The following USP28 variants were observed in gnomAD, a reference collection of about 807,000 sequenced individuals.
USP28 encodes ubiquitin carboxyl-terminal hydrolase 28.
USP28 carries 113 observed loss-of-function variants against 145.0 expected under a neutral mutation model. The ratio of observed to expected loss-of-function variants is 0.78; its 90% CI spans 0.67 to 0.91. The LOEUF is 0.91. Among genes scored for constraint, USP28 ranks in the 40% least tolerant of loss-of-function variants. USP28 has a pLI of 0.00. For synonymous variants in USP28, 447 were observed against 450.9 expected, an observed-to-expected ratio of 0.99 and a Z score of 0.11; for missense variants, 1,201 against 1,289.6, an observed-to-expected ratio of 0.93 and a Z score of 1.05.
rs144996438 is a variant in USP28, at chr11:113,814,320, G to A, written c.1673-365C>T. On this transcript the variant is annotated intron_variant, in intron 14 of 24. Coordinates refer to ENST00000003302, the Ensembl canonical transcript of USP28. Reference sequence around the variant, plus strand: ...CTAAATTTCTCTGAATAGGAATCTGGGAAGAATCTGTATTTTCCATCATCT... The same window carrying A: ...CTAAATTTCTCTGAATAGGAATCTGAGAAGAATCTGTATTTTCCATCATCT... Among the ~76,000 whole-genome samples, 332 of 152,174 alleles carry A rather than the reference G, an allele frequency of 2.2e-3. 2 individuals are homozygous for A. Among genetic ancestry groups the A allele is most frequent in the African/African-American group, 7.7e-3 (318 of 41,522 alleles).
intron 1 of USP28, among the ~76,000 whole-genome samples, chr11:113,874,339 T>C (rs911219427): frequency 9.8e-5 from 13 of 132,878 alleles, no homozygotes; most frequent in Admixed American, 3.5e-4. Context: ...TAATACCAGC[T>C]ACTCAGGAGG....
At chr11:113,802,022 C>T (rs573940740) in intron 23 of USP28, among the ~76,000 whole-genome samples, 1 of 152,302 alleles carries the variant, frequency 6.6e-6, no homozygotes, top group South Asian at 2.1e-4. Flanking sequence ...GAATCACCTG[C>T]AGAAGACACA....
At chr11:113,875,275 C>A (rs967340404) in intron 1 of USP28, among the ~76,000 whole-genome samples, 170 bp downstream of exon 1, 2 of 152,066 alleles carry the variant, frequency 1.3e-5, no homozygotes, top group Non-Finnish European at 1.5e-5. Flanking sequence ...CTCCGCGGCC[C>A]GAGCCCCGCA....
At chr11:113,862,109 G>A (rs1947754929) in intron 1 of USP28, among the ~76,000 whole-genome samples, 1 of 152,146 alleles carries the variant, frequency 6.6e-6, no homozygotes, top group Non-Finnish European at 1.5e-5. Context: ...CACTTTACGG[G>A]GCTGAGGCGG....
intron 3 of USP28, among the ~76,000 whole-genome samples, chr11:113,849,670 A>G (rs890583414): frequency 3.9e-5 from 6 of 152,190 alleles, no homozygotes; most frequent in African/African-American, 1.4e-4. Context: ...GCAACAGTGC[A>G]GAGATGGGCT....
At chr11:113,808,102 T>C (rs1217424012) in intron 18 of USP28, 8 of 1,478,424 alleles carry the variant, frequency 5.4e-6, no homozygotes, top group East Asian at 2.6e-5. Flanking sequence ...GTTTGTTTCC[T>C]GGGGCATGGG....
chr11:113,869,370 A>G (rs746380598), intron 1 of USP28, among the ~76,000 whole-genome samples: 3 of 152,232 alleles, frequency 2.0e-5, no homozygotes, highest in Non-Finnish European at 4.4e-5. Context: ...CGGGGGTTAC[A>G]GTGAGCTGAT....
intron 3 of USP28, among the ~76,000 whole-genome samples, chr11:113,847,904 CTG>C (rs528313758): frequency 9.7e-4 from 148 of 152,282 alleles, no homozygotes; most frequent in African/African-American, 3.5e-3. Flanking sequence ...TACAACATGA[CTG>C]TAGCAAAACT....
Position 113,835,860 on chromosome 11 carries a change from C to A in USP28, c.535-1525G>T, listed in dbSNP as rs183046451. ...CTTTGGGAGGCTGAGGCGGGCAGAT[C>A]ACCTGAGGTCAGGAGTTCAAGACCA... On this transcript the variant is annotated intron_variant, in intron 5 of 24. Transcript: ENST00000003302. Among the ~76,000 whole-genome samples, 21 of 152,318 alleles carry A rather than the reference C, an allele frequency of 1.4e-4. No individual in the cohort carries two copies. In the East Asian group the frequency reaches 4.1e-3, roughly 29 times the overall value.
In USP28 at chr11:113,861,136, A is replaced by C. The variant is rs540138563; in HGVS notation, c.58-6801T>G. On this transcript the variant is annotated intron_variant, in intron 1 of 24. Coordinates refer to ENST00000003302, the Ensembl canonical transcript of USP28. ...GAGACTACACCTCAAAAAAAAAAAAAAAACCACCTCTGTCTGGACAACAGA... is the reference window on the plus strand; with the variant it reads ...GAGACTACACCTCAAAAAAAAAAAACAAACCACCTCTGTCTGGACAACAGA... Among the ~76,000 whole-genome samples the C allele has an allele frequency of 2.1e-3, 323 of 152,136 alleles. 2 individuals are homozygous for C. The highest frequency in any genetic ancestry group is 7.4e-3 in the African/African-American group (309 of 41,526).
chr11:113,810,378 A>C (rs1940782137), intron 16 of USP28, among the ~76,000 whole-genome samples: 1 of 152,326 alleles, frequency 6.6e-6, no homozygotes, highest in African/African-American at 2.4e-5. Context: ...AACAAACAAA[A>C]AAAGTCTATA....
At position 113,832,059 on chromosome 11, in the gene USP28, T is replaced by G. The variant is rs1016615077; in HGVS notation, c.760-66A>C. 52 of 1,309,268 alleles carry G rather than the reference T, an allele frequency of 4.0e-5. No individual in the cohort carries two copies. The East Asian group carries it at 1.2e-3, about 29-fold the overall frequency. The allele number at this position is 1,309,268 out of a possible 1,614,324, so 81.1% of individuals were successfully genotyped here. On this transcript the variant is annotated intron_variant, in intron 7 of 24. Coordinates refer to ENST00000003302, the Ensembl canonical transcript of USP28. Reference sequence around the variant, plus strand: ...ACTAAGAGAAATTAAAATTTATCCTTATCCCACCAATGAATTAAGATTATA... The same window carrying G: ...ACTAAGAGAAATTAAAATTTATCCTGATCCCACCAATGAATTAAGATTATA...
rs150002191 is a variant in USP28, at chr11:113,799,303, T to G, written c.3171A>C (p.Leu1057=). Reference sequence around the variant, plus strand: ...CCATGACAGCTGCAAATCGGCTACATAGGTCATAGGGAGAATTGGGTCGAA... The same window carrying G: ...CCATGACAGCTGCAAATCGGCTACAGAGGTCATAGGGAGAATTGGGTCGAA... The change falls in exon 25 of 25, where the codon CTA becomes CTC. Residue 1057 remains leucine, a synonymous_variant. Transcript: ENST00000003302. 18 of 1,614,150 alleles carry G rather than the reference T, an allele frequency of 1.1e-5. No homozygotes were observed. The African/African-American group carries it at 2.1e-4, about 19-fold the overall frequency.
At chr11:113,806,574 C>T (rs774798016) in exon 19 of USP28, 1 of 1,576,134 alleles carries the variant, frequency 6.3e-7, no homozygotes, top group Non-Finnish European at 8.6e-7. Context: ...CATGGCAGGG[C>T]TCAGCATCAC....
chr11:113,809,588 TGGATTTTGGAGCATTTG>T (rs1295904615), intron 16 of USP28, among the ~76,000 whole-genome samples: 2 of 152,236 alleles, frequency 1.3e-5, no homozygotes, highest in Non-Finnish European at 2.9e-5. Context: ...TAAAGTTTTG[TGGATTTTGGAGCATTTG>T]GGATTTTGGA....
At chr11:113,875,360 G>A (rs1949272619) in intron 1 of USP28, 85 bp downstream of exon 1, 1 of 1,089,958 alleles carries the variant, frequency 9.2e-7, no homozygotes. Flanking sequence ...TCCGCAGCCC[G>A]CAACCCGCAG....
At chr11:113,799,353 T>C (rs1938510600) in exon 25 of USP28, 9 of 1,614,104 alleles carry the variant, frequency 5.6e-6, no homozygotes, top group Non-Finnish European at 7.6e-6. Context: ...TTCAAGACGA[T>C]GATTTCTGCA....
intron 12 of USP28, among the ~76,000 whole-genome samples, chr11:113,819,518 G>A (rs1403251448): frequency 6.6e-6 from 1 of 152,094 alleles, no homozygotes; most frequent in African/African-American, 2.4e-5. Context: ...CTCCATCTCA[G>A]TTCTACTACC....
intron 1 of USP28, among the ~76,000 whole-genome samples, chr11:113,872,804 G>T (rs1948963393): frequency 1.3e-5 from 2 of 152,160 alleles, no homozygotes; most frequent in Admixed American, 1.3e-4. Flanking sequence ...TCGAAGTCAA[G>T]AATTGATTAA....
Sources: allele counts gnomAD v4.1 joint callset (sites outside exome capture counted in the v4.1 genomes callset), GRCh38; gene constraint gnomAD v4.1.1; transcripts MANE v1.5; gene names NCBI Gene and HGNC (gene_info 2026-07-23, HGNC 2026-07-21).